The following TM4SF4 variants were observed in gnomAD, a reference collection of about 807,000 sequenced individuals.
TM4SF4 encodes transmembrane 4 L6 family member 4.
In TM4SF4, 24 loss-of-function variants were observed where a neutral mutation model predicts 24.1. The observed-to-expected ratio is 1.00, with a 90% confidence interval of 0.72 to 1.40. The LOEUF (loss-of-function observed/expected upper bound fraction) is 1.40, where lower values mean the gene tolerates loss of function less well. Ranked by LOEUF, TM4SF4 falls within the 40% of genes most tolerant of loss-of-function variation. The pLI is 0.00. For synonymous variants in TM4SF4, 113 were observed against 97.0 expected, an observed-to-expected ratio of 1.17 and a Z score of -0.97; for missense variants, 254 against 254.2, an observed-to-expected ratio of 1.00 and a Z score of 0.01.
At chr3:149,488,362 G>A (rs73867351) in intron 3 of TM4SF4, among the ~76,000 whole-genome samples, 105 of 152,260 alleles carry the variant, frequency 6.9e-4, no homozygotes, top group African/African-American at 2.5e-3. Context: ...ACCTCAAGAG[G>A]TAATTACTCT....
At chr3:149,480,888 CA>C (rs1279563864) in intron 2 of TM4SF4, among the ~76,000 whole-genome samples, 3 of 151,942 alleles carry the variant, frequency 2.0e-5, no homozygotes, top group African/African-American at 7.3e-5. Flanking sequence ...CAGAGTCTTG[CA>C]CTGTTGCCCG....
rs1444118161 is a variant in TM4SF4 at position 149,495,129 on chromosome 3, C to T, written c.402-3593C>T. On this transcript the variant is annotated intron_variant, in intron 3 of 4. Coordinates refer to ENST00000305354, the MANE Select transcript of TM4SF4 (RefSeq NM_004617.4). ...TGGATTCCACAGAGCCCCTCTACAG[C>T]CAGAAGAGACATGAGAAAATCATTA... is the stretch of plus-strand genomic sequence containing the variant. The T allele has an allele frequency of 1.6e-5, 4 of 248,256 alleles. No individual in the cohort carries two copies. In the East Asian group the frequency reaches 3.4e-4, roughly 21 times the overall value. 15.4% of individuals were successfully genotyped at this position (248,256 alleles called of 1,614,324 possible).
intron 2 of TM4SF4, among the ~76,000 whole-genome samples, chr3:149,485,733 G>A (rs1576519076): frequency 6.6e-6 from 1 of 152,304 alleles, no homozygotes; most frequent in Non-Finnish European, 1.5e-5. Flanking sequence ...AGTTGAGGCT[G>A]CAGTGAACCA....
At chr3:149,481,072 G>A (rs370702956) in intron 2 of TM4SF4, among the ~76,000 whole-genome samples, 3 of 152,136 alleles carry the variant, frequency 2.0e-5, no homozygotes, top group African/African-American at 7.2e-5. Context: ...ATGTTGGCCA[G>A]GCTGGTCTCA....
intron 3 of TM4SF4, chr3:149,495,056 G>A (rs563324068): frequency 1.0e-4 from 25 of 248,944 alleles, no homozygotes; most frequent in African/African-American, 4.5e-4. Flanking sequence ...CATGCCCTTC[G>A]TGCTTACACA....
In TM4SF4 at chr3:149,487,775, T is replaced by C; in HGVS notation, c.401+20T>C. On this transcript the variant is annotated intron_variant, in intron 3 of 4. Transcript: ENST00000305354. Reference sequence around the variant, plus strand: ...CGACGGGTAAGGCCACACCCTGCAATGCCCACCTGTCACCACAAGGGGCAT... The same window carrying C: ...CGACGGGTAAGGCCACACCCTGCAACGCCCACCTGTCACCACAAGGGGCAT... 1 of 1,612,198 alleles carries C rather than the reference T, an allele frequency of 6.2e-7. No homozygotes were observed. The highest frequency in any genetic ancestry group is 1.7e-5 in the Admixed American group (1 of 59,976).
intron 4 of TM4SF4, among the ~76,000 whole-genome samples, chr3:149,501,979 A>T (rs1734435868): frequency 6.6e-6 from 1 of 152,220 alleles, no homozygotes. Flanking sequence ...AAATGTGGCT[A>T]TTAATACCTA....
intron 2 of TM4SF4, among the ~76,000 whole-genome samples, chr3:149,479,055 C>T (rs1024677018): frequency 2.0e-5 from 3 of 152,216 alleles, no homozygotes; most frequent in African/African-American, 7.2e-5. Context: ...GCGTGAGCCA[C>T]TGCGCCTGGC....
chr3:149,483,450 A>G (rs557684199), intron 2 of TM4SF4, among the ~76,000 whole-genome samples: 1 of 145,914 alleles, frequency 6.9e-6, no homozygotes, highest in African/African-American at 2.5e-5. Context: ...CCCCATCTCT[A>G]TTTAAAATCA....
At chr3:149,501,996 C>A (rs182522538) in intron 4 of TM4SF4, among the ~76,000 whole-genome samples, 66 of 152,302 alleles carry the variant, frequency 4.3e-4, no homozygotes, top group African/African-American at 1.6e-3. Context: ...CCTACTCCTA[C>A]GGTTGTCAAT....
At position 149,487,599 on chromosome 3, in the gene TM4SF4, T is replaced by C. The variant is rs1202369602; in HGVS notation, c.265-20T>C. The stretch of plus-strand genomic sequence containing the variant: ...CTGGACCACCTGGAGAATGTGACTG[T>C]CTCTCTTCCTCTCTTTCAGATGTTC... On this transcript the variant is annotated intron_variant, in intron 2 of 4. Coordinates refer to ENST00000305354, the MANE Select transcript of TM4SF4 (RefSeq NM_004617.4). The C allele has an allele frequency of 1.9e-6, 3 of 1,613,720 alleles. No homozygotes were observed. The African/African-American group carries it at 4.0e-5, about 22-fold the overall frequency.
rs34935957 is a variant in TM4SF4, at chr3:149,491,295, C to CAAA, written c.401+3550_401+3552dup. On this transcript the variant is annotated intron_variant, in intron 3 of 4. Transcript: ENST00000305354. ...AACTCCCTGCTCCAGCGCCCCTCTA[C>CAAA]AAAAAAAAAAAATTAAAAAATTAGC... Among the ~76,000 whole-genome samples, 185 of 125,714 alleles carry CAAA rather than the reference C, an allele frequency of 1.5e-3. 3 individuals are homozygous for CAAA. Among genetic ancestry groups the CAAA allele is most frequent in the African/African-American group, 4.5e-3 (163 of 36,522 alleles). The allele number at this position is 125,714 out of a possible 152,430, so 82.5% of individuals were successfully genotyped here.
chr3:149,474,912 G>A lies in TM4SF4; in HGVS notation c.35G>A (p.Gly12Glu). The change falls in exon 1 of 5, where the codon GGG becomes GAG. Residue 12 changes from glycine to glutamate, a missense_variant. Gly to Glu is a moderately conservative substitution (Grantham distance 98). Coordinates refer to ENST00000305354, the MANE Select transcript of TM4SF4 (RefSeq NM_004617.4). Reference sequence around the variant, plus strand: ...GGGGGCTGTGCCAGATGCCTGGGGGGGACCCTCATTCCCCTTGCTTTTTTT... The same window carrying A: ...GGGGGCTGTGCCAGATGCCTGGGGGAGACCCTCATTCCCCTTGCTTTTTTT... The part of the protein sequence containing the change: ...CTGGCARCLG[G>E]TLIPLAFFGF... 6.2e-7 allele frequency: 1 copy of A among 1,613,868 alleles called. No homozygotes were observed. The highest frequency in any genetic ancestry group is 8.5e-7 in the Non-Finnish European group (1 of 1,179,842).
intron 3 of TM4SF4, among the ~76,000 whole-genome samples, chr3:149,489,180 G>A (rs1032746160): frequency 6.6e-6 from 1 of 152,186 alleles, no homozygotes; most frequent in African/African-American, 2.4e-5. Context: ...CTACCATGGG[G>A]TTGGCTTGCT....
rs188723643 is a variant in TM4SF4 at position 149,502,794 on chromosome 3, T to A, written c.*101T>A. 1.1e-3 allele frequency: 930 copies of A among 866,620 alleles called. 5 individuals are homozygous for A. Among genetic ancestry groups the A allele is most frequent in the South Asian group, 7.5e-4 (48 of 64,166 alleles). 53.7% of individuals were successfully genotyped at this position (866,620 alleles called of 1,614,324 possible). ...GAATTATTAATTCCTATCTGCTTCC[T>A]AGCTGATAAAGCTTAGAAAAGGCAG... On this transcript the variant is annotated 3_prime_UTR_variant, in exon 5 of 5. Transcript: ENST00000305354.
intron 2 of TM4SF4, among the ~76,000 whole-genome samples, chr3:149,482,696 AC>A (rs1734055374): frequency 6.6e-6 from 1 of 151,880 alleles, no homozygotes; most frequent in African/African-American, 2.4e-5. Context: ...AGCACACACC[AC>A]CACCCCTCAC....
intron 4 of TM4SF4, among the ~76,000 whole-genome samples, chr3:149,499,869 T>C (rs1734385373): frequency 6.6e-6 from 1 of 152,174 alleles, no homozygotes; most frequent in Admixed American, 6.5e-5. Context: ...AGTGAGACCC[T>C]GTCTCAATAA....
At chr3:149,493,121 C>T (rs1734243426) in intron 3 of TM4SF4, among the ~76,000 whole-genome samples, 1 of 152,088 alleles carries the variant, frequency 6.6e-6, no homozygotes, top group Non-Finnish European at 1.5e-5. Flanking sequence ...TTGATTCAGC[C>T]TTATTATTCA....
chr3:149,486,330 C>T (rs1462076886), intron 2 of TM4SF4, among the ~76,000 whole-genome samples: 1 of 152,166 alleles, frequency 6.6e-6, no homozygotes, highest in East Asian at 1.9e-4. Flanking sequence ...ATTCATTATG[C>T]AAAGTCATTA....
Sources: allele counts gnomAD v4.1 joint callset (sites outside exome capture counted in the v4.1 genomes callset), GRCh38; gene constraint gnomAD v4.1.1; transcripts MANE v1.5; gene names NCBI Gene and HGNC (gene_info 2026-07-23, HGNC 2026-07-21).